The following NINJ2 variants were observed in gnomAD, a reference collection of about 807,000 sequenced individuals.
The protein encoded by NINJ2 is ninjurin-2.
NINJ2 carries 12 observed loss-of-function variants against 11.7 expected under a neutral mutation model. That is an observed-to-expected ratio of 1.02 (90% CI 0.66 to 1.66). The LOEUF (loss-of-function observed/expected upper bound fraction) is 1.66. Ranked by LOEUF, NINJ2 falls within the 40% of genes most tolerant of loss-of-function variation. NINJ2 has a pLI of 0.00. For missense variants in NINJ2, 187 were observed against 181.8 expected, an observed-to-expected ratio of 1.03 and a Z score of -0.16; for synonymous variants, 93 against 76.8, an observed-to-expected ratio of 1.21 and a Z score of -1.10.
chr12:597,769 G>A (rs906172070), intron 1 of NINJ2, among the ~76,000 whole-genome samples: 2 of 152,242 alleles, frequency 1.3e-5, no homozygotes, highest in East Asian at 1.9e-4. Context: ...CATTAACAAT[G>A]AACACCAAGA....
chr12:616,071 G>A (rs1948087847), intron 1 of NINJ2, among the ~76,000 whole-genome samples: 1 of 152,184 alleles, frequency 6.6e-6, no homozygotes, highest in Non-Finnish European at 1.5e-5. Context: ...GGTAAAGGAA[G>A]TTCTCAGGAA....
At chr12:573,420 G>A (rs1351579248) in intron 1 of NINJ2, among the ~76,000 whole-genome samples, 3 of 151,938 alleles carry the variant, frequency 2.0e-5, no homozygotes, top group African/African-American at 7.3e-5. Flanking sequence ...AGATAAACAC[G>A]TGCAGTCTGG....
chr12:565,608 G>C lies in NINJ2; in HGVS notation c.263-207C>G, dbSNP rs1947285504. On this transcript the variant is annotated intron_variant, in intron 2 of 3. Transcript: ENST00000305108. ...ACCCTAGTGTGCTTCATCCCACCAGGATTTGGGAACTTAAGCTGGGTCCTG... is the reference window on the plus strand; with the variant it reads ...ACCCTAGTGTGCTTCATCCCACCAGCATTTGGGAACTTAAGCTGGGTCCTG... The C allele has an allele frequency of 4.8e-6, 3 of 621,236 alleles. No individual in the cohort carries two copies. The East Asian group carries it at 8.2e-5, about 17-fold the overall frequency. The allele number at this position is 621,236 out of a possible 1,614,324, so 38.5% of individuals were successfully genotyped here.
chr12:569,198 C>T (rs1947344306), intron 1 of NINJ2, among the ~76,000 whole-genome samples: 1 of 152,188 alleles, frequency 6.6e-6, no homozygotes, highest in African/African-American at 2.4e-5. Context: ...AAATCCAGTT[C>T]AAGCAAGGCT....
chr12:636,465 G>C (rs1042320251), intron 1 of NINJ2, among the ~76,000 whole-genome samples: 3 of 151,928 alleles, frequency 2.0e-5, no homozygotes, highest in African/African-American at 7.2e-5. Flanking sequence ...GAAAATATTT[G>C]TAAACCATAT....
At chr12:567,377 C>T (rs740894) in intron 1 of NINJ2, among the ~76,000 whole-genome samples, 51,317 of 151,730 alleles carry the variant, frequency 0.34, 8,865 homozygotes, top group East Asian at 0.59. Flanking sequence ...TGATGCATAC[C>T]AGTTAAACAC....
At chr12:577,955 T>G (rs545668543) in intron 1 of NINJ2, among the ~76,000 whole-genome samples, 1 of 152,198 alleles carries the variant, frequency 6.6e-6, no homozygotes, top group Admixed American at 6.5e-5. Flanking sequence ...ATGCCCAATT[T>G]CTGCCTCCAA....
intron 1 of NINJ2, among the ~76,000 whole-genome samples, chr12:621,884 A>G (rs1948157252): frequency 6.6e-6 from 1 of 151,746 alleles, no homozygotes. Context: ...CTGTAATCCC[A>G]GCACTTTGGG....
chr12:565,186 C>G, intron 3 of NINJ2, 31 bp downstream of exon 3: 1 of 1,563,890 alleles, frequency 6.4e-7, no homozygotes, highest in African/African-American at 1.4e-5. Context: ...TGGGGAGTCC[C>G]TGGAGCTGGG....
intron 1 of NINJ2, chr12:586,391 C>G (rs911482537): frequency 3.9e-5 from 6 of 152,262 alleles, no homozygotes; most frequent in African/African-American, 1.2e-4. Flanking sequence ...AGATCTGGCT[C>G]TGTCCTTAGC....
rs570986794 is a variant in NINJ2, at chr12:628,749, T to C, written c.33+34579A>G. On this transcript the variant is annotated intron_variant, in intron 1 of 3. Transcript: ENST00000305108. This position sits in a 1 kb window ranked among gnomAD's most constrained non-coding sequence, Gnocchi z 4.4. ...CTGCCAAAACCCACCAAAACCAAGA[T>C]GGCAATGAAAGTGACCACTGGTTGT... Among the ~76,000 whole-genome samples, 15 of 152,220 alleles carry C rather than the reference T, an allele frequency of 9.9e-5. No homozygotes were observed. The highest frequency in any genetic ancestry group is 3.4e-3 in the Middle Eastern group (1 of 294).
chr12:622,119 C>CG (rs1257627429), intron 1 of NINJ2, among the ~76,000 whole-genome samples: 5 of 75,900 alleles, frequency 6.6e-5, no homozygotes, highest in Non-Finnish European at 1.2e-4. Flanking sequence ...AAGACTGTGT[C>CG]GGGAAAAAAA....
intron 1 of NINJ2, among the ~76,000 whole-genome samples, chr12:660,480 A>C (rs1937943716): frequency 6.6e-6 from 1 of 151,388 alleles, no homozygotes; most frequent in Admixed American, 6.6e-5. Context: ...AGCTGGGACT[A>C]CAGGCGTACA....
intron 1 of NINJ2, chr12:643,555 C>A (rs1937626788): frequency 1.0e-6 from 1 of 987,846 alleles, no homozygotes; most frequent in Admixed American, 6.1e-5. Flanking sequence ...TGGGGCGTGT[C>A]GTCATTTTAG....
At chr12:606,560 T>A (rs58237171) in intron 1 of NINJ2, among the ~76,000 whole-genome samples, 2,790 of 152,300 alleles carry the variant, frequency 0.018, 94 homozygotes, top group African/African-American at 0.063. Flanking sequence ...CACATCATTG[T>A]CAGCTTTTGG....
At chr12:599,897 C>T (rs2120901004) in intron 1 of NINJ2, among the ~76,000 whole-genome samples, 1 of 152,274 alleles carries the variant, frequency 6.6e-6, no homozygotes, top group Admixed American at 6.5e-5. Flanking sequence ...ACAGGAGTAG[C>T]CGTGCACTCA....
chr12:630,782 G>A (rs1948270570), intron 1 of NINJ2: 1 of 152,422 alleles, frequency 6.6e-6, no homozygotes, highest in South Asian at 2.1e-4. Flanking sequence ...CCCTGGGCGG[G>A]GCGGCGGGCT....
At chr12:579,661 A>G (rs1256980974) in intron 1 of NINJ2, among the ~76,000 whole-genome samples, 8 of 152,120 alleles carry the variant, frequency 5.3e-5, no homozygotes, top group African/African-American at 1.9e-4. Flanking sequence ...CACATGTAAA[A>G]TGTAGATTCA....
rs576466781 is a variant in NINJ2 at position 585,460 on chromosome 12, C to G, written c.34-19282G>C. Among the ~76,000 whole-genome samples the G allele has an allele frequency of 1.3e-5, 2 of 151,234 alleles. No individual in the cohort carries two copies. The highest frequency in any genetic ancestry group is 4.9e-5 in the African/African-American group (2 of 40,902). On this transcript the variant is annotated intron_variant, in intron 1 of 3. Coordinates refer to ENST00000305108, the MANE Select transcript of NINJ2 (RefSeq NM_016533.6). The surrounding 1 kb of genome is among the most constrained non-coding windows in gnomAD (Gnocchi z 4.1). ...CAGTGTCAGTCCTATCCTCATCAGG[C>G]AGGCAACGGTTGGAGGAAGGGAACG...
Sources: allele counts gnomAD v4.1 joint callset (sites outside exome capture counted in the v4.1 genomes callset), GRCh38; gene constraint gnomAD v4.1.1; non-coding constraint Gnocchi (gnomAD v3.1); transcripts MANE v1.5; gene names NCBI Gene and HGNC (gene_info 2026-07-23, HGNC 2026-07-21).